The following RASSF8 variants were observed in gnomAD, a reference collection of about 807,000 sequenced individuals.
RASSF8 encodes the protein ras association domain-containing protein 8.
RASSF8 carries 22 observed loss-of-function variants against 48.5 expected under a neutral mutation model. The ratio of observed to expected loss-of-function variants is 0.45; its 90% CI spans 0.32 to 0.65. The LOEUF (loss-of-function observed/expected upper bound fraction) is 0.65, where lower values mean the gene tolerates loss of function less well. RASSF8 is among the 30% of genes least tolerant of loss of function. The pLI is 0.03. For missense variants in RASSF8, 418 were observed against 489.2 expected (o/e 0.85, Z 1.37); for synonymous variants, 127 against 171.5 (o/e 0.74, Z 2.03).
intron 2 of RASSF8, among the ~76,000 whole-genome samples, chr12:26,054,673 TGAGAA>T (rs1281984525): frequency 6.6e-6 from 1 of 151,928 alleles, no homozygotes; most frequent in East Asian, 1.9e-4. Flanking sequence ...ACATCATACA[TGAGAA>T]GAGAGAATGA....
At chr12:26,061,415 A>T (rs1020522611) in intron 3 of RASSF8, among the ~76,000 whole-genome samples, 7 of 152,162 alleles carry the variant, frequency 4.6e-5, no homozygotes, top group Non-Finnish European at 8.8e-5. Context: ...TATAAATTTA[A>T]TGATTCTTGG....
intron 2 of RASSF8, among the ~76,000 whole-genome samples, chr12:26,044,502 G>A (rs1943331261): frequency 6.6e-6 from 1 of 152,078 alleles, no homozygotes; most frequent in Non-Finnish European, 1.5e-5. Flanking sequence ...CTACAGTTGA[G>A]CTGTTTATAT....
At chr12:26,079,110 T>G in exon 6 of RASSF8, 1 of 1,454,796 alleles carries the variant, frequency 6.9e-7, no homozygotes, top group Non-Finnish European at 9.3e-7. Context: ...AAAGCAAAAA[T>G]GAACAAGTGG....
intron 1 of RASSF8, among the ~76,000 whole-genome samples, chr12:25,962,270 TTTA>T (rs1294763320): frequency 1.3e-5 from 2 of 152,146 alleles, no homozygotes; most frequent in Non-Finnish European, 2.9e-5. Flanking sequence ...GTCTCCCTAT[TTTA>T]GGATCATCTC....
Position 26,054,739 on chromosome 12 carries a change from G to T in RASSF8, c.-108-497G>T, listed in dbSNP as rs148015267. On this transcript the variant is annotated intron_variant, in intron 2 of 5. Coordinates refer to ENST00000689635, the MANE Select transcript of RASSF8 (RefSeq NM_001394098.1). ...AAGGCAGACAGGTAGCAGTTTTTTTGTTTGTTTGTTTGTTTTAAATCAGGA... is the reference window on the plus strand; with the variant it reads ...AAGGCAGACAGGTAGCAGTTTTTTTTTTTGTTTGTTTGTTTTAAATCAGGA... Among the ~76,000 whole-genome samples, 679 of 128,022 alleles carry T rather than the reference G, an allele frequency of 5.3e-3. 6 individuals carry two copies. The highest frequency in any genetic ancestry group is 0.018 in the African/African-American group (638 of 35,878). The allele number at this position is 128,022 out of a possible 152,430, so 84.0% of individuals were successfully genotyped here. A position where few individuals can be genotyped will look rare whatever the true frequency, so the allele number is the denominator to read the frequency against.
rs1026217940 is a variant in RASSF8 at position 25,999,648 on chromosome 12, A to G, written c.-109+4518A>G. On this transcript the variant is annotated intron_variant, in intron 2 of 5. Transcript: ENST00000689635. ...GAGGCTGAGGTGGGAGGATTACACC[A>G]CTGTGCTCCACCCTGGGTGACAGAG... Among the ~76,000 whole-genome samples the G allele has an allele frequency of 9.2e-5, 14 of 152,308 alleles. No homozygotes were observed. In the South Asian group the frequency reaches 1.0e-3, roughly 11 times the overall value.
At chr12:25,974,496 CCT>C (rs1491318074) in intron 1 of RASSF8, among the ~76,000 whole-genome samples, 1 of 72,128 alleles carries the variant, frequency 1.4e-5, no homozygotes, top group Admixed American at 1.2e-4. Context: ...TACTAAAATA[CCT>C]TTTTTTTTTT....
intron 2 of RASSF8, among the ~76,000 whole-genome samples, chr12:26,045,912 C>G (rs943168953): frequency 6.6e-6 from 1 of 152,114 alleles, no homozygotes; most frequent in Non-Finnish European, 1.5e-5. Flanking sequence ...CCATCTCTTA[C>G]GTAGACAAAA....
chr12:25,987,045 G>A (rs753856065), intron 1 of RASSF8, among the ~76,000 whole-genome samples: 2 of 152,032 alleles, frequency 1.3e-5, no homozygotes, highest in Middle Eastern at 3.4e-3. Flanking sequence ...AGCGATTCTC[G>A]TGCCTCAGCC....
chr12:26,036,300 G>A (rs1235540141), intron 2 of RASSF8, among the ~76,000 whole-genome samples: 2 of 151,722 alleles, frequency 1.3e-5, no homozygotes, highest in Admixed American at 6.6e-5. Context: ...TTTCTGTTTC[G>A]TTTTGTTTTG....
intron 1 of RASSF8, among the ~76,000 whole-genome samples, chr12:25,992,062 G>A (rs908002194): frequency 1.3e-5 from 2 of 152,120 alleles, no homozygotes; most frequent in East Asian, 3.8e-4. Context: ...TCAGACATGT[G>A]GTAATAGGAG....
intron 1 of RASSF8, among the ~76,000 whole-genome samples, chr12:25,970,547 C>T (rs1421748046): frequency 6.6e-6 from 1 of 152,156 alleles, no homozygotes; most frequent in Non-Finnish European, 1.5e-5. Flanking sequence ...TAACTGGTCT[C>T]CCCGCCTGAA....
intron 3 of RASSF8, among the ~76,000 whole-genome samples, chr12:26,061,839 A>G (rs1409334513): frequency 6.6e-6 from 1 of 152,186 alleles, no homozygotes; most frequent in Non-Finnish European, 1.5e-5. Flanking sequence ...TTTTTTAAAA[A>G]AAGCTTTTTT....
chr12:26,031,000 C>T (rs1263728120), intron 2 of RASSF8, among the ~76,000 whole-genome samples: 1 of 152,170 alleles, frequency 6.6e-6, no homozygotes, highest in Non-Finnish European at 1.5e-5. Flanking sequence ...TGGTCAGGAA[C>T]AGTGAGTTGA....
intron 1 of RASSF8, among the ~76,000 whole-genome samples, chr12:25,982,877 T>C (rs73077131): frequency 0.11 from 17,141 of 152,238 alleles, 1,285 homozygotes; most frequent in Admixed American, 0.19. Context: ...TAATCAGCAT[T>C]CATGGAGGTT....
chr12:25,964,304 T>A (rs994176261), intron 1 of RASSF8, among the ~76,000 whole-genome samples: 15 of 150,380 alleles, frequency 1.0e-4, no homozygotes, highest in South Asian at 4.2e-4. Context: ...TTTTTTTTTT[T>A]AAATCACATT....
At chr12:26,027,718 AC>A (rs1405406367) in intron 2 of RASSF8, among the ~76,000 whole-genome samples, 4 of 152,332 alleles carry the variant, frequency 2.6e-5, no homozygotes, top group African/African-American at 9.6e-5. Context: ...TTTATTAAGC[AC>A]CTATTATGTG....
Position 26,071,549 on chromosome 12 carries a change from GA to G in RASSF8, c.*2733del. On this transcript the variant is annotated 3_prime_UTR_variant, in exon 6 of 6. Transcript: ENST00000689635. ...CTTTTGAGTGTCTGTCATCCTCAGAGAATGGCCCATAGTGTGTTGCCTGTGG... is the reference window on the plus strand; with the variant it reads ...CTTTTGAGTGTCTGTCATCCTCAGAGATGGCCCATAGTGTGTTGCCTGTGG... 1.0e-6 allele frequency: 1 copy of G among 978,310 alleles called. No individual in the cohort carries two copies. Among genetic ancestry groups the G allele is most frequent in the South Asian group, 4.7e-5 (1 of 21,176 alleles). The allele number at this position is 978,310 out of a possible 1,614,324, so 60.6% of individuals were successfully genotyped here. A position where few individuals can be genotyped will look rare whatever the true frequency, so the allele number is the denominator to read the frequency against.
At position 25,977,671 on chromosome 12, in the gene RASSF8, C is replaced by CAAA. The variant is rs111553798; in HGVS notation, c.-202-17356_-202-17354dup. 7.1e-4 allele frequency among the ~76,000 whole-genome samples: 99 copies of CAAA among 140,332 alleles called. 1 individual carries two copies. In the South Asian group the frequency reaches 8.1e-3, roughly 11 times the overall value. The allele number at this position is 140,332 out of a possible 152,430, so 92.1% of individuals were successfully genotyped here. ...TATACAAGTTAAAATATTTGTAAGGCAAAAAAAAAAAATAAGAATCTTGCT... is the reference window on the plus strand; with the variant it reads ...TATACAAGTTAAAATATTTGTAAGGCAAAAAAAAAAAAAAATAAGAATCTTGCT... On this transcript the variant is annotated intron_variant, in intron 1 of 5. Coordinates refer to ENST00000689635, the MANE Select transcript of RASSF8 (RefSeq NM_001394098.1).
Sources: allele counts gnomAD v4.1 joint callset (sites outside exome capture counted in the v4.1 genomes callset), GRCh38; gene constraint gnomAD v4.1.1; transcripts MANE v1.5; gene names NCBI Gene and HGNC (gene_info 2026-07-23, HGNC 2026-07-21).